UBE2F: variants seen among roughly 807,000 people sequenced by gnomAD.
The protein encoded by UBE2F is NEDD8-conjugating enzyme UBE2F.
A neutral mutation model predicts 29.6 loss-of-function variants in UBE2F; 5 were observed. The observed-to-expected ratio is 0.17, with a 90% CI of 0.09 to 0.36. The LOEUF is 0.36. Among genes scored for constraint, UBE2F ranks in the 10% least tolerant of loss-of-function variants. The pLI, the probability that UBE2F is intolerant of heterozygous loss-of-function variation, is 1.00. For missense variants in UBE2F, 141 were observed against 228.5 expected, an observed-to-expected ratio of 0.62 and a Z score of 2.47; for synonymous variants, 66 against 81.8, an observed-to-expected ratio of 0.81 and a Z score of 1.04.
chr2:238,035,849 T>A, intron 8 of UBE2F, 29 bp from the exon 9 acceptor site: 1 of 1,582,814 alleles, frequency 6.3e-7, no homozygotes, highest in East Asian at 2.2e-5. Flanking sequence ...GTTCTCCCAA[T>A]GTTTACTTTA....
intron 4 of UBE2F, among the ~76,000 whole-genome samples, chr2:238,013,924 C>T (rs539615310): frequency 3.5e-4 from 53 of 152,266 alleles, no homozygotes; most frequent in African/African-American, 1.3e-3. Flanking sequence ...CAGCCATGGA[C>T]GATAGTAACA....
intron 4 of UBE2F, among the ~76,000 whole-genome samples, chr2:238,015,631 C>T (rs1398088198): frequency 6.6e-6 from 1 of 151,604 alleles, no homozygotes; most frequent in Non-Finnish European, 1.5e-5. Context: ...TAACAACTTG[C>T]TGTTATGCAT....
At chr2:238,000,454 C>G (rs574024557) in intron 4 of UBE2F, among the ~76,000 whole-genome samples, 1 of 152,170 alleles carries the variant, frequency 6.6e-6, no homozygotes, top group Non-Finnish European at 1.5e-5. Flanking sequence ...TTTTACTTAA[C>G]GTAATGTTTT....
chr2:238,011,416 C>T (rs187238460), intron 4 of UBE2F, among the ~76,000 whole-genome samples: 2 of 152,288 alleles, frequency 1.3e-5, no homozygotes, highest in Non-Finnish European at 1.5e-5. Flanking sequence ...CAGCCTCTTC[C>T]CACTTTCTAC....
chr2:237,972,808 C>T (rs978459968), intron 1 of UBE2F, among the ~76,000 whole-genome samples: 1 of 152,074 alleles, frequency 6.6e-6, no homozygotes, highest in African/African-American at 2.4e-5. Context: ...CTACCTTGGC[C>T]TCCCAAAGTG....
chr2:238,030,810 G>A (rs895256072), intron 7 of UBE2F, among the ~76,000 whole-genome samples, 197 bp downstream of exon 7: 5 of 152,350 alleles, frequency 3.3e-5, no homozygotes, highest in South Asian at 4.1e-4. Flanking sequence ...GGCCGGATGA[G>A]CATCCTTGTT....
chr2:237,999,797 A>T (rs1432768944), intron 4 of UBE2F, among the ~76,000 whole-genome samples: 1 of 145,344 alleles, frequency 6.9e-6, no homozygotes, highest in Non-Finnish European at 1.5e-5. Context: ...AAATTCATAG[A>T]TGTTAAGTAT....
In UBE2F at chr2:237,973,185, G is replaced by T. The variant is rs201244430; in HGVS notation, c.78G>T (p.Ser26=). Reference sequence around the variant, plus strand: ...GGACGGCAGCCACAGCGTCCGACTCGACTCGGAGGGTTTCTGTGAGAGACA... The same window carrying T: ...GGACGGCAGCCACAGCGTCCGACTCTACTCGGAGGGTTTCTGTGAGAGACA... ...GSRTAATASD[S]TRRVSVRDKL... is the part of the protein sequence containing the mutation. The change falls in exon 2 of 10, where the codon TCG becomes TCT. Residue 26 remains serine (S), a synonymous_variant. Coordinates refer to ENST00000272930, the MANE Select transcript of UBE2F (RefSeq NM_080678.3). The T allele has an allele frequency of 1.2e-6, 2 of 1,613,864 alleles. No individual in the cohort carries two copies. The highest frequency in any genetic ancestry group is 1.7e-6 in the Non-Finnish European group (2 of 1,179,908).
intron 3 of UBE2F, among the ~76,000 whole-genome samples, chr2:237,989,350 T>C (rs1418428239): frequency 6.6e-6 from 1 of 152,080 alleles, no homozygotes; most frequent in Admixed American, 6.6e-5. Flanking sequence ...TAATGTTTCT[T>C]AAAAAATTAT....
rs142458868 is a variant in UBE2F at position 237,980,932 on chromosome 2, G to T, written c.119-7031G>T. ...CGTGCTGTGTGGGGGCCTCTGTGGT[G>T]ATCAGGTGGATTTTGCAATCTGATA... On this transcript the variant is annotated intron_variant, in intron 2 of 9. Transcript: ENST00000272930. Among the ~76,000 whole-genome samples the T allele has an allele frequency of 5.3e-4, 81 of 152,340 alleles. No homozygotes were observed. The East Asian group carries it at 0.015, about 29-fold the overall frequency.
intron 4 of UBE2F, among the ~76,000 whole-genome samples, chr2:238,002,021 T>C (rs72977017): frequency 0.29 from 44,534 of 151,314 alleles, 8,176 homozygotes; most frequent in Admixed American, 0.41. Context: ...TTTGGAGCTT[T>C]AGGAGGAGAA....
chr2:238,004,764 T>A (rs1299632054), intron 4 of UBE2F, among the ~76,000 whole-genome samples: 1 of 152,120 alleles, frequency 6.6e-6, no homozygotes, highest in Non-Finnish European at 1.5e-5. Context: ...GTGGACCCAG[T>A]GTAATTACAG....
chr2:237,986,279 AGTT>A (rs921380279), intron 2 of UBE2F: 1 of 277,530 alleles, frequency 3.6e-6, no homozygotes, highest in African/African-American at 2.3e-5. Context: ...TATCTTGAGC[AGTT>A]GGGACTACAG....
chr2:238,031,084 C>T (rs2064564756), intron 7 of UBE2F, among the ~76,000 whole-genome samples: 1 of 152,218 alleles, frequency 6.6e-6, no homozygotes, highest in Non-Finnish European at 1.5e-5. Flanking sequence ...GGCTTTTGGC[C>T]CTGGCCCTGC....
At chr2:238,018,279 A>G (rs986602790) in intron 5 of UBE2F, among the ~76,000 whole-genome samples, 1 of 152,206 alleles carries the variant, frequency 6.6e-6, no homozygotes, top group Non-Finnish European at 1.5e-5. Flanking sequence ...AAAATTCTGT[A>G]TTTAGATTTG....
intron 3 of UBE2F, among the ~76,000 whole-genome samples, chr2:237,991,574 T>C (rs2063586233): frequency 1.3e-5 from 2 of 151,172 alleles, no homozygotes; most frequent in South Asian, 4.2e-4. Context: ...TTTTTTTTTT[T>C]TTAGAACTTA....
chr2:238,016,276 AG>A (rs2064150431), intron 4 of UBE2F, among the ~76,000 whole-genome samples: 2 of 152,148 alleles, frequency 1.3e-5, no homozygotes. Context: ...GGATGCAAGG[AG>A]GCCAGGCAGA....
At chr2:237,995,303 T>C (rs114522219) in intron 4 of UBE2F, among the ~76,000 whole-genome samples, 286 of 152,360 alleles carry the variant, frequency 1.9e-3, no homozygotes, top group African/African-American at 6.2e-3. Flanking sequence ...GATTACCAGC[T>C]GTCCTCAGTA....
intron 5 of UBE2F, among the ~76,000 whole-genome samples, chr2:238,022,175 C>CTTTTTTTTTTTTT (rs1162304454): frequency 0.11 from 6,304 of 59,438 alleles, 296 homozygotes; most frequent in East Asian, 0.18. Context: ...CTTTTCTTTT[C>CTTTTTTTTTTTTT]TTTTTTTTTT....
Sources: gnomAD v4.1 joint callset for allele counts (sites outside exome capture counted in the v4.1 genomes callset) on GRCh38, gnomAD v4.1.1 for gene constraint, MANE v1.5 for transcripts, NCBI Gene and HGNC (gene_info 2026-07-23, HGNC 2026-07-21) for gene names.